Variants in CDKAL1 observed in about 807,000 individuals in gnomAD.
CDKAL1 encodes threonylcarbamoyladenosine tRNA methylthiotransferase.
In CDKAL1, 32 loss-of-function variants were observed where a neutral mutation model predicts 68.2. That is an observed-to-expected ratio of 0.47 (90% CI 0.35 to 0.63). The LOEUF is 0.63. Ranked by LOEUF, CDKAL1 falls within the 30% of genes least tolerant of loss-of-function variation. The pLI, the probability that CDKAL1 is intolerant of heterozygous loss-of-function variation, is 0.00. For missense variants in CDKAL1, 606 were observed against 696.7 expected (o/e 0.87, Z 1.47); for synonymous variants, 234 against 244.3 (o/e 0.96, Z 0.39).
intron 11 of CDKAL1, among the ~76,000 whole-genome samples, chr6:21,047,485 A>C (rs1273786621): frequency 6.6e-6 from 1 of 152,220 alleles, no homozygotes; most frequent in African/African-American, 2.4e-5. Context: ...CTCTGGGTGA[A>C]TAAAGCCTAT....
chr6:21,129,035 T>C (rs1775154658), intron 13 of CDKAL1, among the ~76,000 whole-genome samples: 1 of 152,200 alleles, frequency 6.6e-6, no homozygotes, highest in Non-Finnish European at 1.5e-5. Flanking sequence ...TTTTTGTCTC[T>C]AAAATGGGAA....
At chr6:20,649,400 C>A in intron 5 of CDKAL1, 23 bp downstream of exon 5, 3 of 1,361,708 alleles carry the variant, frequency 2.2e-6, no homozygotes, top group Non-Finnish European at 3.1e-6. Flanking sequence ...TGATTTTTTC[C>A]TATTTTGTAT....
intron 13 of CDKAL1, among the ~76,000 whole-genome samples, chr6:21,150,364 C>T (rs1776356632): frequency 1.3e-5 from 2 of 152,018 alleles, no homozygotes; most frequent in Non-Finnish European, 2.9e-5. Context: ...ACTCCTGATG[C>T]CTCCTTAGCG....
chr6:21,003,343 A>AATATATACATATAT (rs1554159043), intron 11 of CDKAL1, among the ~76,000 whole-genome samples: 3 of 40,450 alleles, frequency 7.4e-5, no homozygotes, highest in Non-Finnish European at 1.4e-4. Context: ...ATCTCTACTA[A>AATATATACATATAT]ATATATATAT....
chr6:21,165,542 A>G (rs956279106), intron 13 of CDKAL1, among the ~76,000 whole-genome samples: 1 of 152,246 alleles, frequency 6.6e-6, no homozygotes, highest in Non-Finnish European at 1.5e-5. Context: ...TTTACAGAGA[A>G]GGAAATATTG....
At chr6:20,937,739 T>C (rs1040578928) in intron 9 of CDKAL1, among the ~76,000 whole-genome samples, 1 of 152,234 alleles carries the variant, frequency 6.6e-6, no homozygotes, top group Admixed American at 6.5e-5. Flanking sequence ...AGAGTACCAC[T>C]GAAGTGATTG....
At chr6:20,781,288 C>A in intron 8 of CDKAL1, 23 bp downstream of exon 8, 1 of 1,587,386 alleles carries the variant, frequency 6.3e-7, no homozygotes, top group South Asian at 1.2e-5. Context: ...CAAACTTGCT[C>A]ATAAAATATT....
chr6:20,649,476 A>G, intron 5 of CDKAL1, 99 bp downstream of exon 5: 1 of 635,696 alleles, frequency 1.6e-6, no homozygotes, highest in Non-Finnish European at 2.7e-6. Context: ...TATTTAGTTT[A>G]TATTAAAAAA....
At chr6:20,980,246 G>A (rs1200933691) in intron 10 of CDKAL1, among the ~76,000 whole-genome samples, 1 of 151,732 alleles carries the variant, frequency 6.6e-6, no homozygotes, top group African/African-American at 2.4e-5. Flanking sequence ...TATAGATATA[G>A]ATTTTTTTTG....
chr6:20,768,238 T>C (rs1774785532), intron 7 of CDKAL1, among the ~76,000 whole-genome samples: 1 of 152,166 alleles, frequency 6.6e-6, no homozygotes, highest in South Asian at 2.1e-4. Flanking sequence ...ATGCTATCTT[T>C]AACAGCCCAT....
chr6:20,569,317 C>T (rs1175268785), intron 4 of CDKAL1, among the ~76,000 whole-genome samples: 1 of 152,160 alleles, frequency 6.6e-6, no homozygotes, highest in Non-Finnish European at 1.5e-5. Flanking sequence ...ATGCTTACAG[C>T]AATTGAATAA....
chr6:20,756,939 T>C (rs974887106), intron 6 of CDKAL1, among the ~76,000 whole-genome samples: 1 of 142,250 alleles, frequency 7.0e-6, no homozygotes, highest in African/African-American at 2.6e-5. Flanking sequence ...TTCCCTTCCT[T>C]CCCTCCTTCC....
chr6:21,041,929 G>C (rs201316), intron 11 of CDKAL1, among the ~76,000 whole-genome samples: 28,304 of 151,984 alleles, frequency 0.19, 2,717 homozygotes, highest in Middle Eastern at 0.24. Context: ...CAGAGATTCT[G>C]TTTTCAAATC....
rs139018032 is a variant in CDKAL1, at chr6:20,727,430, A to T, written c.372-12089A>T. 4.6e-5 allele frequency among the ~76,000 whole-genome samples: 7 copies of T among 152,356 alleles called. No homozygotes were observed. The East Asian group carries it at 1.3e-3, about 29-fold the overall frequency. ...AATTTGGGGCTTATATCCCATCTTA[A>T]CAAAGGGAATGAAATACAGAGAAGA... is the stretch of plus-strand genomic sequence containing the variant. On this transcript the variant is annotated intron_variant, in intron 5 of 15. Coordinates refer to ENST00000274695, the MANE Select transcript of CDKAL1 (RefSeq NM_017774.3).
At chr6:20,785,314 C>CTTTT (rs5874783) in intron 8 of CDKAL1, among the ~76,000 whole-genome samples, 3 of 96,074 alleles carry the variant, frequency 3.1e-5, no homozygotes, top group African/African-American at 4.0e-5. Flanking sequence ...ATTTCTTTTT[C>CTTTT]TTTTTTTTTT....
chr6:20,978,252 C>A (rs998282590), intron 10 of CDKAL1, among the ~76,000 whole-genome samples: 1 of 152,184 alleles, frequency 6.6e-6, no homozygotes, highest in African/African-American at 2.4e-5. Flanking sequence ...GAAACTGATT[C>A]AACCAATGAG....
chr6:21,058,996 T>C (rs961935324), intron 11 of CDKAL1, among the ~76,000 whole-genome samples: 2 of 152,168 alleles, frequency 1.3e-5, no homozygotes, highest in African/African-American at 2.4e-5. Context: ...AGCCTCTAAA[T>C]AGCCAGCAGG....
At chr6:20,805,008 G>A (rs552855059) in intron 8 of CDKAL1, among the ~76,000 whole-genome samples, 26 of 152,244 alleles carry the variant, frequency 1.7e-4, no homozygotes, top group Admixed American at 1.6e-3. Context: ...CTGGGTGAGA[G>A]AGTGAGACCC....
chr6:20,903,085 A>G (rs888784604), intron 9 of CDKAL1, among the ~76,000 whole-genome samples: 1 of 152,154 alleles, frequency 6.6e-6, no homozygotes, highest in Non-Finnish European at 1.5e-5. Context: ...TTTTTAGCAT[A>G]TCTGCTTGCC....
Sources: allele counts gnomAD v4.1 joint callset (sites outside exome capture counted in the v4.1 genomes callset), GRCh38; gene constraint gnomAD v4.1.1; transcripts MANE v1.5; gene names NCBI Gene and HGNC (gene_info 2026-07-23, HGNC 2026-07-21).